HS6ST3: variants seen among roughly 807,000 people sequenced by gnomAD.
HS6ST3 encodes heparan-sulfate 6-O-sulfotransferase 3.
Under a neutral mutation model 36.7 loss-of-function variants are expected in HS6ST3, and 12 were observed. The ratio of observed to expected loss-of-function variants is 0.33; its 90% CI spans 0.21 to 0.53. HS6ST3 has a LOEUF of 0.53. Among genes scored for constraint, HS6ST3 ranks in the 20% least tolerant of loss-of-function variants. The pLI is 0.95. For synonymous variants in HS6ST3, 240 were observed against 257.5 expected (o/e 0.93, Z 0.65); for missense variants, 584 against 640.9 (o/e 0.91, Z 0.96).
chr13:96,706,830 A>G (rs1875440387), intron 1 of HS6ST3, among the ~76,000 whole-genome samples: 1 of 152,142 alleles, frequency 6.6e-6, no homozygotes, highest in Admixed American at 6.5e-5. Flanking sequence ...TGATTGTACC[A>G]ATAGATAAGA....
chr13:96,355,599 A>T (rs531905102), intron 1 of HS6ST3, among the ~76,000 whole-genome samples: 6 of 152,158 alleles, frequency 3.9e-5, no homozygotes, highest in Admixed American at 6.5e-5. Flanking sequence ...TACTTACATT[A>T]TTTTTTAACT....
At position 96,777,026 on chromosome 13, in the gene HS6ST3, G is replaced by T. The variant is rs192771881; in HGVS notation, c.708-55464G>T. Among the ~76,000 whole-genome samples, 17 of 152,306 alleles carry T rather than the reference G, an allele frequency of 1.1e-4. No individual in the cohort carries two copies. In the East Asian group the frequency reaches 1.7e-3, roughly 16 times the overall value. On this transcript the variant is annotated intron_variant, in intron 1 of 1. Transcript: ENST00000376705. ...GTTGGCTTCATCCCTGGGATGCAAG[G>T]CTGGTTTAACATATGCAAATCAATA...
chr13:96,700,504 G>A (rs1875257040), intron 1 of HS6ST3, among the ~76,000 whole-genome samples: 1 of 152,044 alleles, frequency 6.6e-6, no homozygotes, highest in Admixed American at 6.5e-5. Flanking sequence ...CTGTTTACTT[G>A]TTTGTAGTTA....
At chr13:96,516,854 A>G (rs1352244580) in intron 1 of HS6ST3, among the ~76,000 whole-genome samples, 2 of 152,118 alleles carry the variant, frequency 1.3e-5, no homozygotes, top group East Asian at 3.9e-4. Flanking sequence ...TTCTCACACA[A>G]AGACCTGTGA....
In HS6ST3 at chr13:96,453,112, T is replaced by C. The variant is rs189648593; in HGVS notation, c.707+361543T>C. On this transcript the variant is annotated intron_variant, in intron 1 of 1. Transcript: ENST00000376705. ...CTAAGGATCCCTGAGCATAAGAAAA[T>C]CCCAGTATTTTACAATGGACCATGT... 4.0e-4 allele frequency among the ~76,000 whole-genome samples: 59 copies of C among 147,094 alleles called. No individual in the cohort carries two copies. The East Asian group carries it at 0.011, about 28-fold the overall frequency.
intron 1 of HS6ST3, among the ~76,000 whole-genome samples, chr13:96,786,609 C>G (rs1313619190): frequency 6.6e-6 from 1 of 152,068 alleles, no homozygotes; most frequent in Non-Finnish European, 1.5e-5. Context: ...TTACACAGAT[C>G]AACAGTTATC....
chr13:96,382,592 T>C (rs1385000424), intron 1 of HS6ST3, among the ~76,000 whole-genome samples: 1 of 152,218 alleles, frequency 6.6e-6, no homozygotes, highest in Non-Finnish European at 1.5e-5. Context: ...TTAATGAGTT[T>C]CAGTAAGTTT....
chr13:96,339,701 C>T (rs1333758853), intron 1 of HS6ST3, among the ~76,000 whole-genome samples: 1 of 152,176 alleles, frequency 6.6e-6, no homozygotes, highest in Non-Finnish European at 1.5e-5. Flanking sequence ...GCTCTTCAGA[C>T]AATCCCTAGG....
chr13:96,574,181 C>T lies in HS6ST3; in HGVS notation c.708-258309C>T, dbSNP rs147346100. ...ATCTCCTCCAATCTGAGAGGGGCTG[C>T]GTAAGCTTTTCTGCTCTGTCTCCCT... On this transcript the variant is annotated intron_variant, in intron 1 of 1. Coordinates refer to ENST00000376705, the MANE Select transcript of HS6ST3 (RefSeq NM_153456.4). 41 of 521,460 alleles carry T rather than the reference C, an allele frequency of 7.9e-5. No homozygotes were observed. The East Asian group carries it at 1.7e-3, about 21-fold the overall frequency. 32.3% of individuals were successfully genotyped at this position (521,460 alleles called of 1,614,324 possible).
intron 1 of HS6ST3, among the ~76,000 whole-genome samples, chr13:96,449,619 A>G (rs778457942): frequency 6.6e-6 from 1 of 152,204 alleles, no homozygotes; most frequent in Non-Finnish European, 1.5e-5. Flanking sequence ...ACCTCCATAT[A>G]TATATTTCCA....
intron 1 of HS6ST3, among the ~76,000 whole-genome samples, chr13:96,776,010 C>G (rs1307796313): frequency 6.6e-6 from 1 of 152,116 alleles, no homozygotes; most frequent in African/African-American, 2.4e-5. Context: ...ACAGTGCAAT[C>G]AAATTAGAAC....
chr13:96,257,267 A>G (rs2054641725), intron 1 of HS6ST3, among the ~76,000 whole-genome samples: 1 of 152,208 alleles, frequency 6.6e-6, no homozygotes, highest in Admixed American at 6.5e-5. Flanking sequence ...CCATCTATCT[A>G]CTGTGCATCT....
At chr13:96,830,047 C>G (rs560324607) in intron 1 of HS6ST3, among the ~76,000 whole-genome samples, 1 of 145,680 alleles carries the variant, frequency 6.9e-6, no homozygotes, top group Admixed American at 7.0e-5. Context: ...CCCATACAAC[C>G]ATTCTGTTTT....
intron 1 of HS6ST3, among the ~76,000 whole-genome samples, chr13:96,376,638 T>A (rs969152903): frequency 5.3e-5 from 8 of 152,214 alleles, no homozygotes; most frequent in African/African-American, 1.9e-4. Context: ...ATATTATCTA[T>A]GACCTGCAGT....
At chr13:96,652,524 T>C (rs116019729) in intron 1 of HS6ST3, among the ~76,000 whole-genome samples, 269 of 152,240 alleles carry the variant, frequency 1.8e-3, no homozygotes, top group African/African-American at 6.4e-3. Flanking sequence ...ATGTACTTGG[T>C]ACACACAATA....
intron 1 of HS6ST3, among the ~76,000 whole-genome samples, chr13:96,335,040 A>G (rs1489069587): frequency 2.0e-5 from 3 of 152,152 alleles, no homozygotes; most frequent in Non-Finnish European, 4.4e-5. Flanking sequence ...TTGTGTACAA[A>G]TTGGGCTGGG....
chr13:96,510,206 G>A (rs1215385483), intron 1 of HS6ST3, among the ~76,000 whole-genome samples: 1 of 151,848 alleles, frequency 6.6e-6, no homozygotes, highest in South Asian at 2.1e-4. Context: ...TTGATGTATA[G>A]CAGTGCTACT....
At chr13:96,648,681 G>T (rs1035742153) in intron 1 of HS6ST3, among the ~76,000 whole-genome samples, 1 of 151,846 alleles carries the variant, frequency 6.6e-6, no homozygotes, top group Non-Finnish European at 1.5e-5. Context: ...GCCCCAGTCT[G>T]TGTTGTTCCC....
intron 1 of HS6ST3, among the ~76,000 whole-genome samples, chr13:96,467,452 G>A (rs149298843): frequency 6.4e-4 from 98 of 152,208 alleles, no homozygotes; most frequent in African/African-American, 2.0e-3. Flanking sequence ...AATTGTGCCC[G>A]TGGTCATTTT....
Sources: allele counts gnomAD v4.1 joint callset (sites outside exome capture counted in the v4.1 genomes callset), GRCh38; gene constraint gnomAD v4.1.1; transcripts MANE v1.5; gene names NCBI Gene and HGNC (gene_info 2026-07-23, HGNC 2026-07-21).